Variants in CELF3 observed in about 807,000 individuals in gnomAD.
The protein encoded by CELF3 is CAG repeat domain.
A neutral mutation model predicts 59.6 loss-of-function variants in CELF3; 26 were observed. The ratio of observed to expected loss-of-function variants is 0.44; its 90% CI spans 0.32 to 0.61. The LOEUF (loss-of-function observed/expected upper bound fraction) is 0.61. Ranked by LOEUF, CELF3 falls within the 20% of genes least tolerant of loss-of-function variation. The pLI is 0.06. For missense variants in CELF3, 387 were observed against 627.2 expected (o/e 0.62, Z 4.09); for synonymous variants, 245 against 250.7 (o/e 0.98, Z 0.22).
Position 151,716,139 on chromosome 1 carries a change from T to C in CELF3, c.-119A>G. 9.3e-7 allele frequency: 1 copy of C among 1,072,956 alleles called. No homozygotes were observed. Among genetic ancestry groups the C allele is most frequent in the Non-Finnish European group, 1.3e-6 (1 of 765,246 alleles). The allele number at this position is 1,072,956 out of a possible 1,614,324, so 66.5% of individuals were successfully genotyped here. On this transcript the variant is annotated 5_prime_UTR_variant, in exon 1 of 13. Coordinates refer to ENST00000290583, the MANE Select transcript of CELF3 (RefSeq NM_007185.7). ...GGGCCCAGCTGGGGCTGGCTTTCCC[T>C]TTGGCCCCCAACCACGCTGCTAAGC... is the stretch of plus-strand genomic sequence containing the variant.
chr1:151,714,816 C>A (rs1673333205), intron 1 of CELF3, 140 bp from the exon 2 acceptor site: 2 of 661,116 alleles, frequency 3.0e-6, no homozygotes, highest in Non-Finnish European at 5.3e-6. Flanking sequence ...AGAGAGGTGT[C>A]TCCAAGGGGT....
chr1:151,716,543 A>T lies in CELF3; in HGVS notation c.-523T>A. 1 of 330,446 alleles carries T rather than the reference A, an allele frequency of 3.0e-6. No homozygotes were observed. Among genetic ancestry groups the T allele is most frequent in the East Asian group, 8.4e-5 (1 of 11,912 alleles). 20.5% of individuals were successfully genotyped at this position (330,446 alleles called of 1,614,324 possible). A position where few individuals can be genotyped will look rare whatever the true frequency, so the allele number is the denominator to read the frequency against. ...CTCTCGTTGGCTTCCCTGGGAGGAC[A>T]CCTCCCCTGTGGCGGATCCTTCTGC... is the stretch of plus-strand genomic sequence containing the variant. On this transcript the variant is annotated 5_prime_UTR_variant, in exon 1 of 13. Transcript: ENST00000290583.
Position 151,705,770 on chromosome 1 carries a change from A to G in CELF3, c.1270+52T>C. ...CCATAAATGCCTTCAAATATATTAG[A>G]CCTTGTCCTGATTTGGAGTATGGCA... On this transcript the variant is annotated intron_variant, in intron 11 of 12. Transcript: ENST00000290583. This position sits in a 1 kb window ranked among gnomAD's most constrained non-coding sequence, Gnocchi z 5.1. 6.3e-7 allele frequency: 1 copy of G among 1,589,742 alleles called. No individual in the cohort carries two copies. Among genetic ancestry groups the G allele is most frequent in the Non-Finnish European group, 8.6e-7 (1 of 1,161,384 alleles).
At chr1:151,713,867 G>A (rs544139790) in intron 2 of CELF3, among the ~76,000 whole-genome samples, 2 of 152,342 alleles carry the variant, frequency 1.3e-5, no homozygotes, top group South Asian at 4.1e-4. Flanking sequence ...AATCAGCAAG[G>A]CTGGCTGGGA....
Position 151,709,695 on chromosome 1 carries a change from G to T in CELF3, c.277+48C>A. Reference sequence around the variant, plus strand: ...ACCCCTCGACAACTCCAGGCCCTGGGCCTGGGGGTGGGAGGAGAGGGACAG... The same window carrying T: ...ACCCCTCGACAACTCCAGGCCCTGGTCCTGGGGGTGGGAGGAGAGGGACAG... On this transcript the variant is annotated intron_variant, in intron 3 of 12. Coordinates refer to ENST00000290583, the MANE Select transcript of CELF3 (RefSeq NM_007185.7). This position sits in a 1 kb window ranked among gnomAD's most constrained non-coding sequence, Gnocchi z 4.9. 2 of 1,584,182 alleles carry T rather than the reference G, an allele frequency of 1.3e-6. No homozygotes were observed. Among genetic ancestry groups the T allele is most frequent in the African/African-American group, 1.3e-5 (1 of 74,440 alleles).
chr1:151,708,983 G>A lies in CELF3; in HGVS notation c.486+15C>T. 1 of 1,612,142 alleles carries A rather than the reference G, an allele frequency of 6.2e-7. No homozygotes were observed. The highest frequency in any genetic ancestry group is 1.9e-4 in the Middle Eastern group (1 of 5,380). ...GTGGGAAGGAGAGGCCCGGGGGCAG[G>A]GGAGTGGGGCTCACTGGCAGGGTCC... On this transcript the variant is annotated intron_variant, in intron 5 of 12. Transcript: ENST00000290583.
rs1175024691 is a variant in CELF3 at position 151,706,738 on chromosome 1, G to T, written c.923-4C>A. On this transcript the variant is annotated splice_region_variant and splice_polypyrimidine_tract_variant and intron_variant, in intron 8 of 12. Coordinates refer to ENST00000290583, the MANE Select transcript of CELF3 (RefSeq NM_007185.7). ...ACGGGGGCCGCGGGGCTCTGGGCTG[G>T]GGAGAGCAGCACAGACTATGAGCGT... 1 of 1,547,312 alleles carries T rather than the reference G, an allele frequency of 6.5e-7. No homozygotes were observed. Among genetic ancestry groups the T allele is most frequent in the Non-Finnish European group, 8.7e-7 (1 of 1,144,258 alleles).
chr1:151,709,572 C>G lies in CELF3; in HGVS notation c.277+171G>C. On this transcript the variant is annotated intron_variant, in intron 3 of 12. Coordinates refer to ENST00000290583, the MANE Select transcript of CELF3 (RefSeq NM_007185.7). The surrounding 1 kb of genome is among the most constrained non-coding windows in gnomAD (Gnocchi z 4.9). ...CTGGGCCTCAGTTTTGCCATCTGTA[C>G]CCGCCCCAGATCTCACCCGCTCTGG... 1 of 920,518 alleles carries G rather than the reference C, an allele frequency of 1.1e-6. No homozygotes were observed. The highest frequency in any genetic ancestry group is 2.6e-5 in the East Asian group (1 of 38,594). The allele number at this position is 920,518 out of a possible 1,614,324, so 57.0% of individuals were successfully genotyped here.
In CELF3 at chr1:151,709,121, C is replaced by A. The variant is rs368075080; in HGVS notation, c.407-44G>T. On this transcript the variant is annotated intron_variant, in intron 4 of 12. Transcript: ENST00000290583. This position sits in a 1 kb window ranked among gnomAD's most constrained non-coding sequence, Gnocchi z 4.9. ...AGGAGGAGAGGGGTAAGCACCCATC[C>A]CTGCGGGACCCCGCGGTGGAACCCG... 2 of 1,606,952 alleles carry A rather than the reference C, an allele frequency of 1.2e-6. No homozygotes were observed. Among genetic ancestry groups the A allele is most frequent in the Non-Finnish European group, 1.7e-6 (2 of 1,174,562 alleles).
intron 6 of CELF3, 49 bp downstream of exon 6, chr1:151,707,743 A>G: frequency 6.2e-7 from 1 of 1,605,186 alleles, no homozygotes; most frequent in Non-Finnish European, 8.5e-7. Context: ...GGTGGGGGCA[A>G]GATACAGGGG....
rs1295869477 is a variant in CELF3, at chr1:151,705,746, C to A, written c.1270+76G>T. 16 of 1,501,424 alleles carry A rather than the reference C, an allele frequency of 1.1e-5. No homozygotes were observed. The East Asian group carries it at 3.6e-4, about 34-fold the overall frequency. The allele number at this position is 1,501,424 out of a possible 1,614,324, so 93.0% of individuals were successfully genotyped here. A position where few individuals can be genotyped will look rare whatever the true frequency, so the allele number is the denominator to read the frequency against. ...TTTCAAATACTGGGTCCACTGTGAC[C>A]ATAAATGCCTTCAAATATATTAGAC... On this transcript the variant is annotated intron_variant, in intron 11 of 12. Transcript: ENST00000290583. The surrounding 1 kb of genome is among the most constrained non-coding windows in gnomAD (Gnocchi z 5.1).
rs968499405 is a variant in CELF3, at chr1:151,709,537, G to T, written c.278-189C>A. The T allele has an allele frequency of 2.1e-6, 2 of 934,522 alleles. No homozygotes were observed. The highest frequency in any genetic ancestry group is 3.3e-6 in the Non-Finnish European group (2 of 608,094). The allele number at this position is 934,522 out of a possible 1,614,324, so 57.9% of individuals were successfully genotyped here. Reference sequence around the variant, plus strand: ...TGCTCATCCCAGCTCTGAGGGACTCGCACTCCACCCTGGGCCTCAGTTTTG... The same window carrying T: ...TGCTCATCCCAGCTCTGAGGGACTCTCACTCCACCCTGGGCCTCAGTTTTG... On this transcript the variant is annotated intron_variant, in intron 3 of 12. Coordinates refer to ENST00000290583, the MANE Select transcript of CELF3 (RefSeq NM_007185.7). The surrounding 1 kb of genome is among the most constrained non-coding windows in gnomAD (Gnocchi z 4.9).
rs972332148 is a variant in CELF3, at chr1:151,716,087, A to C, written c.-67T>G. 7.3e-6 allele frequency: 11 copies of C among 1,503,010 alleles called. No homozygotes were observed. Among genetic ancestry groups the C allele is most frequent in the Non-Finnish European group, 9.8e-6 (11 of 1,123,114 alleles). The allele number at this position is 1,503,010 out of a possible 1,614,324, so 93.1% of individuals were successfully genotyped here. A position where few individuals can be genotyped will look rare whatever the true frequency, so the allele number is the denominator to read the frequency against. ...GCCCAAAGGCCAAGGGGAGCTGCCC[A>C]GCAAGGAGATAAGTGGTGGGGCCCG... is the stretch of plus-strand genomic sequence containing the variant. On this transcript the variant is annotated 5_prime_UTR_variant, in exon 1 of 13. Transcript: ENST00000290583.
chr1:151,709,598 C>A lies in CELF3; in HGVS notation c.277+145G>T. On this transcript the variant is annotated intron_variant, in intron 3 of 12. Transcript: ENST00000290583. This position sits in a 1 kb window ranked among gnomAD's most constrained non-coding sequence, Gnocchi z 4.9. Reference sequence around the variant, plus strand: ...CCGCCCCAGATCTCACCCGCTCTGGCCACACTGACTCCTATCTCACCGCAG... The same window carrying A: ...CCGCCCCAGATCTCACCCGCTCTGGACACACTGACTCCTATCTCACCGCAG... 1.0e-6 allele frequency: 1 copy of A among 990,132 alleles called. No individual in the cohort carries two copies. The highest frequency in any genetic ancestry group is 1.6e-6 in the Non-Finnish European group (1 of 633,838). The allele number at this position is 990,132 out of a possible 1,614,324, so 61.3% of individuals were successfully genotyped here. A position where few individuals can be genotyped will look rare whatever the true frequency, so the allele number is the denominator to read the frequency against.
intron 2 of CELF3, 109 bp downstream of exon 2, chr1:151,714,485 T>C (rs760164494): frequency 1.3e-6 from 1 of 792,444 alleles, no homozygotes; most frequent in South Asian, 1.5e-5. Context: ...GGGGACTTCC[T>C]GGTGATGAGA....
rs891586898 is a variant in CELF3 at position 151,710,346 on chromosome 1, C to T, written c.229-555G>A. On this transcript the variant is annotated intron_variant, in intron 2 of 12. Transcript: ENST00000290583. ...ACAAAGGGAGCAGATGCCCAGTCTC[C>T]GTGGCAACGGGAGAATGCGCACCAT... is the stretch of plus-strand genomic sequence containing the variant. 4.6e-5 allele frequency: 13 copies of T among 281,846 alleles called. No individual in the cohort carries two copies. The East Asian group carries it at 1.1e-3, about 24-fold the overall frequency. The allele number at this position is 281,846 out of a possible 1,614,324, so 17.5% of individuals were successfully genotyped here.
At chr1:151,706,576 C>T in intron 9 of CELF3, 93 bp downstream of exon 9, 1 of 1,375,510 alleles carries the variant, frequency 7.3e-7, no homozygotes. Context: ...GGGTGATTGG[C>T]AGGGAGCCAA....
chr1:151,714,739 A>T, intron 1 of CELF3, 63 bp from the exon 2 acceptor site: 1 of 1,182,782 alleles, frequency 8.5e-7, no homozygotes, highest in Non-Finnish European at 1.2e-6. Flanking sequence ...CCCTCTCTGA[A>T]AGGCTCCCTT....
At position 151,706,249 on chromosome 1, in the gene CELF3, C is replaced by CTGCTGT; in HGVS notation, c.1100_1101insACAGCA (p.Gln372_Gln373dup). 4 of 1,430,588 alleles carry CTGCTGT rather than the reference C, an allele frequency of 2.8e-6. No homozygotes were observed. Among genetic ancestry groups the CTGCTGT allele is most frequent in the South Asian group, 2.7e-5 (2 of 74,376 alleles). The allele number at this position is 1,430,588 out of a possible 1,614,324, so 88.6% of individuals were successfully genotyped here. On this transcript the variant is annotated inframe_insertion, in exon 10 of 13. Transcript: ENST00000290583. ...CTTCTCTTTGCTGCTGCTGCTGTTG[C>CTGCTGT]TGCTGCTGCTGCTGCTGCTGCTGTT... is the stretch of plus-strand genomic sequence containing the variant.
Sources: allele counts gnomAD v4.1 joint callset (sites outside exome capture counted in the v4.1 genomes callset), GRCh38; gene constraint gnomAD v4.1.1; non-coding constraint Gnocchi (gnomAD v3.1); transcripts MANE v1.5; gene names NCBI Gene and HGNC (gene_info 2026-07-23, HGNC 2026-07-21).